The following ELMO2 variants were observed in gnomAD, a reference collection of about 807,000 sequenced individuals.
ELMO2 encodes the protein engulfment and cell motility protein 2.
In ELMO2, 37 loss-of-function variants were observed where a neutral mutation model predicts 96.2. That is an observed-to-expected ratio of 0.38 (90% confidence interval 0.30 to 0.51). The LOEUF is 0.51. Ranked by LOEUF, ELMO2 falls within the 20% of genes least tolerant of loss-of-function variation. The pLI, the probability that ELMO2 is intolerant of heterozygous loss-of-function variation, is 0.88. For missense variants in ELMO2, 561 were observed against 912.6 expected (o/e 0.61, Z 4.96); for synonymous variants, 315 against 329.4 (o/e 0.96, Z 0.47).
intron 1 of ELMO2, among the ~76,000 whole-genome samples, chr20:46,403,232 A>G (rs750782495): frequency 6.6e-6 from 1 of 152,224 alleles, no homozygotes; most frequent in East Asian, 1.9e-4. Context: ...CCGGGAGGAA[A>G]GTCAATACAA....
At chr20:46,393,799 C>T (rs1377912906) in intron 4 of ELMO2, among the ~76,000 whole-genome samples, 198 bp from the exon 5 acceptor site, 11 of 152,130 alleles carry the variant, frequency 7.2e-5, no homozygotes, top group Admixed American at 7.2e-4. Flanking sequence ...AGGAGGTGTG[C>T]AGAACTGAGG....
rs1568775177 is a variant in ELMO2 at position 46,389,117 on chromosome 20, A to C, written c.347T>G (p.Phe116Cys). The C allele has an allele frequency of 6.2e-7, 1 of 1,614,176 alleles. No homozygotes were observed. Among genetic ancestry groups the C allele is most frequent in the Non-Finnish European group, 8.5e-7 (1 of 1,180,014 alleles). Residue 116 changes from phenylalanine to cysteine, a missense_variant, in exon 7 of 22, where the codon TTC (phenylalanine) becomes TGC (cysteine). Coordinates refer to ENST00000290246, the MANE Select transcript of ELMO2 (RefSeq NM_133171.5). ...ELAKLSADVT[F>C]ATEFINMDGI... is the part of the protein sequence containing the mutation. ...ATCCATGTTGATGAACTCAGTAGCG[A>C]AAGTCACGTCGGCAGAGAGCTTGGC... is the stretch of plus-strand genomic sequence containing the variant.
At chr20:46,378,449 C>T (rs2059901610) in intron 11 of ELMO2, among the ~76,000 whole-genome samples, 1 of 152,238 alleles carries the variant, frequency 6.6e-6, no homozygotes, top group South Asian at 2.1e-4. Context: ...AAATTTCCTT[C>T]AGAAGGGCGC....
intron 11 of ELMO2, among the ~76,000 whole-genome samples, chr20:46,379,627 A>T (rs2059920875): frequency 1.3e-5 from 2 of 152,034 alleles, no homozygotes; most frequent in Admixed American, 6.6e-5. Flanking sequence ...CTCTGTGCCT[A>T]ATCACACACT....
chr20:46,383,274 C>A, intron 10 of ELMO2, 142 bp downstream of exon 10: 2 of 873,786 alleles, frequency 2.3e-6, no homozygotes, highest in Non-Finnish European at 3.7e-6. Flanking sequence ...AAGCCACCCT[C>A]CTGGGCTCCA....
intron 2 of ELMO2, among the ~76,000 whole-genome samples, chr20:46,395,445 C>G (rs1250177909): frequency 6.6e-6 from 1 of 152,182 alleles, no homozygotes; most frequent in Non-Finnish European, 1.5e-5. Context: ...CCTACAAGTT[C>G]AGGAGAGGCC....
At chr20:46,374,189 G>C (rs780057129) in intron 15 of ELMO2, 143 bp downstream of exon 15, 8 of 546,514 alleles carry the variant, frequency 1.5e-5, no homozygotes, top group Non-Finnish European at 2.3e-5. Context: ...TGATCCTCCT[G>C]CCTCAGTCTC....
chr20:46,381,469 A>G (rs190606903), intron 10 of ELMO2, among the ~76,000 whole-genome samples: 2 of 152,304 alleles, frequency 1.3e-5, no homozygotes, highest in East Asian at 3.9e-4. Context: ...ATTTCTAGCC[A>G]TATTCCAAAT....
Position 46,400,868 on chromosome 20 carries a change from G to A in ELMO2, c.-125-2097C>T, listed in dbSNP as rs533796673. 2.4e-3 allele frequency among the ~76,000 whole-genome samples: 360 copies of A among 152,306 alleles called. 3 individuals are homozygous for A. Among genetic ancestry groups the A allele is most frequent in the South Asian group, 4.1e-3 (20 of 4,830 alleles). On this transcript the variant is annotated intron_variant, in intron 1 of 21. Transcript: ENST00000290246. Reference sequence around the variant, plus strand: ...CCATGGAGCTTTATCAATCACCCATGCAGTGACTGCTGCTTCACGGAGCTG... The same window carrying A: ...CCATGGAGCTTTATCAATCACCCATACAGTGACTGCTGCTTCACGGAGCTG...
intron 1 of ELMO2, among the ~76,000 whole-genome samples, chr20:46,404,287 C>T (rs571448208): frequency 2.0e-5 from 3 of 152,198 alleles, no homozygotes; most frequent in Admixed American, 6.5e-5. Context: ...TGCTGAGCCA[C>T]CTTGGCAGGT....
chr20:46,393,901 G>C, intron 4 of ELMO2, 148 bp downstream of exon 4: 1 of 1,106,236 alleles, frequency 9.0e-7, no homozygotes, highest in South Asian at 1.4e-5. Context: ...GTTGTCAACT[G>C]TACTTCCTTC....
intron 2 of ELMO2, among the ~76,000 whole-genome samples, chr20:46,395,196 C>T: frequency 6.6e-6 from 1 of 152,162 alleles, no homozygotes; most frequent in South Asian, 2.1e-4. Context: ...ACAAGGGCCC[C>T]TCTTATAAGG....
chr20:46,391,324 T>A (rs2060146623), intron 6 of ELMO2, among the ~76,000 whole-genome samples: 2 of 152,296 alleles, frequency 1.3e-5, no homozygotes, highest in South Asian at 4.1e-4. Context: ...ATTTAACCTC[T>A]CTAACCCTCA....
chr20:46,399,346 C>T (rs1051071119), intron 1 of ELMO2, among the ~76,000 whole-genome samples: 1 of 152,186 alleles, frequency 6.6e-6, no homozygotes, highest in South Asian at 2.1e-4. Flanking sequence ...ATCTAGCCAT[C>T]CTGGACTACG....
chr20:46,373,708 T>G (rs1287347932), intron 15 of ELMO2, among the ~76,000 whole-genome samples, 173 bp from the exon 16 acceptor site: 1 of 152,046 alleles, frequency 6.6e-6, no homozygotes, highest in Admixed American at 6.5e-5. Context: ...TTCTCCAGGG[T>G]GCATTTTCTT....
intron 21 of ELMO2, among the ~76,000 whole-genome samples, 165 bp downstream of exon 21, chr20:46,368,726 A>G (rs999505437): frequency 6.6e-6 from 1 of 152,144 alleles, no homozygotes; most frequent in African/African-American, 2.4e-5. Context: ...CCTTTGAGAC[A>G]TTCCCATCCT....
At position 46,375,610 on chromosome 20, in the gene ELMO2, G is replaced by A; in HGVS notation, c.930+58C>T. On this transcript the variant is annotated intron_variant, in intron 12 of 21. Coordinates refer to ENST00000290246, the MANE Select transcript of ELMO2 (RefSeq NM_133171.5). This position sits in a 1 kb window ranked among gnomAD's most constrained non-coding sequence, Gnocchi z 4.6. ...GACCAAGCACAGTGCCTGGCACATA[G>A]ACTAAGGCTGGACTGCACCACAGCC... The A allele has an allele frequency of 1.2e-6, 2 of 1,609,896 alleles. No individual in the cohort carries two copies. The highest frequency in any genetic ancestry group is 1.7e-6 in the Non-Finnish European group (2 of 1,176,956).
intron 6 of ELMO2, among the ~76,000 whole-genome samples, chr20:46,391,838 T>C (rs1338790944): frequency 1.3e-5 from 2 of 152,218 alleles, no homozygotes; most frequent in Non-Finnish European, 2.9e-5. Context: ...TTTTGCTACA[T>C]CTCTGTGAAA....
In ELMO2 at chr20:46,371,581, T is replaced by G; in HGVS notation, c.1691A>C (p.Gln564Pro). ...AGGATTGCCCCGTCTCCTCTCACCT[T>G]GCCTTCGGCGGTTCCCAATCTTTCG... is the stretch of plus-strand genomic sequence containing the variant. Reference protein sequence around the residue: ...SFRKIGNRRRQERFWYCRLAL... With the variant: ...SFRKIGNRRRPERFWYCRLAL... Residue 564 changes from glutamine (Q) to proline (P), a missense_variant and splice_region_variant, in exon 18 of 22, where the codon CAA (glutamine) becomes CCA (proline). Coordinates refer to ENST00000290246, the MANE Select transcript of ELMO2 (RefSeq NM_133171.5). The surrounding 1 kb of genome is among the most constrained non-coding windows in gnomAD (Gnocchi z 5.9). The G allele has an allele frequency of 6.2e-7, 1 of 1,602,632 alleles. No individual in the cohort carries two copies. The highest frequency in any genetic ancestry group is 8.5e-7 in the Non-Finnish European group (1 of 1,174,688).
Sources: gnomAD v4.1 joint callset for allele counts (sites outside exome capture counted in the v4.1 genomes callset) on GRCh38, gnomAD v4.1.1 for gene constraint, Gnocchi (gnomAD v3.1) non-coding constraint, MANE v1.5 for transcripts, NCBI Gene and HGNC (gene_info 2026-07-23, HGNC 2026-07-21) for gene names.